Variants in PRMT3 observed in about 807,000 individuals in gnomAD.
PRMT3 encodes protein arginine methyltransferase 3.
Under a neutral mutation model 71.9 loss-of-function variants are expected in PRMT3, and 62 were observed. The observed-to-expected ratio is 0.86, with a 90% confidence interval of 0.70 to 1.07. The LOEUF (loss-of-function observed/expected upper bound fraction) is 1.07. Among genes scored for constraint, PRMT3 ranks in the 50% least tolerant of loss-of-function variants. The probability of loss-of-function intolerance (pLI) is 0.00; values close to 1 mark genes in which losing one functional copy is unlikely to be tolerated. For synonymous variants in PRMT3, 213 were observed against 220.4 expected (o/e 0.97, Z 0.30); for missense variants, 663 against 643.0 (o/e 1.03, Z -0.34).
intron 10 of PRMT3, among the ~76,000 whole-genome samples, chr11:20,427,170 T>C (rs1349637230): frequency 2.0e-5 from 3 of 152,182 alleles, no homozygotes; most frequent in Admixed American, 6.5e-5. Context: ...GATACCTAAG[T>C]GTTTGCCTGA....
At chr11:20,389,156 C>T (rs901979533) in intron 2 of PRMT3, among the ~76,000 whole-genome samples, 1 of 152,188 alleles carries the variant, frequency 6.6e-6, no homozygotes, top group Non-Finnish European at 1.5e-5. Context: ...TACAGCTTCT[C>T]TGCTGTGTAT....
intron 9 of PRMT3, among the ~76,000 whole-genome samples, chr11:20,409,120 T>C (rs1404193490): frequency 6.6e-6 from 1 of 152,140 alleles, no homozygotes; most frequent in Non-Finnish European, 1.5e-5. Context: ...TTAAATTTGA[T>C]TAATGTTGGT....
intron 8 of PRMT3, among the ~76,000 whole-genome samples, chr11:20,404,815 T>G (rs1849036306): frequency 6.6e-6 from 1 of 152,206 alleles, no homozygotes; most frequent in African/African-American, 2.4e-5. Context: ...TAAAAATTCC[T>G]TCTGGTTCTA....
chr11:20,405,324 T>C (rs1002856439), intron 8 of PRMT3: 2 of 152,058 alleles, frequency 1.3e-5, no homozygotes, highest in Non-Finnish European at 2.9e-5. Context: ...TCATTCAGTT[T>C]TTTAAGAAAA....
chr11:20,418,523 T>G (rs939314707), intron 9 of PRMT3, among the ~76,000 whole-genome samples: 1 of 152,224 alleles, frequency 6.6e-6, no homozygotes, highest in Non-Finnish European at 1.5e-5. Flanking sequence ...ACAAATAGGT[T>G]TATAACTTGT....
chr11:20,419,117 A>C (rs1849371534), intron 9 of PRMT3, among the ~76,000 whole-genome samples: 1 of 152,218 alleles, frequency 6.6e-6, no homozygotes, highest in Non-Finnish European at 1.5e-5. Flanking sequence ...TATTTTCCAA[A>C]GTGATTATAC....
intron 10 of PRMT3, among the ~76,000 whole-genome samples, chr11:20,440,489 C>CAAAAAAAAAAAAAAAAAAAAAAA (rs55801324): frequency 8.6e-6 from 1 of 115,960 alleles, no homozygotes. Flanking sequence ...ACTAAAAATA[C>CAAAAAAAAAAAAAAAAAAAAAAA]AAAAAAAAAA....
Position 20,433,604 on chromosome 11 carries a change from A to G in PRMT3, c.993+6739A>G, listed in dbSNP as rs190753718. 3.9e-5 allele frequency among the ~76,000 whole-genome samples: 6 copies of G among 151,986 alleles called. No homozygotes were observed. In the East Asian group the frequency reaches 1.2e-3, roughly 30 times the overall value. On this transcript the variant is annotated intron_variant, in intron 10 of 15. Transcript: ENST00000331079. The stretch of plus-strand genomic sequence containing the variant: ...CCAGTAATGGAATTGTTGGGTCACA[A>G]GGTAGTTCTGTTTTGTTTTGTTTTT...
chr11:20,402,883 T>C (rs760256995), intron 7 of PRMT3, 36 bp from the exon 8 acceptor site: 9 of 1,518,422 alleles, frequency 5.9e-6, no homozygotes, highest in Middle Eastern at 1.7e-4. Context: ...GTTTAGACTG[T>C]CCTATAAACA....
At chr11:20,472,305 T>G (rs1850665605) in intron 13 of PRMT3, among the ~76,000 whole-genome samples, 1 of 152,168 alleles carries the variant, frequency 6.6e-6, no homozygotes, top group African/African-American at 2.4e-5. Context: ...CTTCCACCTG[T>G]TGCCCATTCA....
chr11:20,445,846 TG>T (rs1850015542), intron 10 of PRMT3, among the ~76,000 whole-genome samples: 1 of 152,170 alleles, frequency 6.6e-6, no homozygotes, highest in South Asian at 2.1e-4. Flanking sequence ...CTTTTTAAAA[TG>T]TGTTTTTGCT....
At chr11:20,403,117 G>C (rs1590037392) in intron 8 of PRMT3, 133 bp downstream of exon 8, 3 of 679,034 alleles carry the variant, frequency 4.4e-6, no homozygotes, top group Middle Eastern at 4.3e-4. Flanking sequence ...CATTTATGAT[G>C]CTGCTCTGTG....
chr11:20,469,781 A>G (rs1850599321), intron 13 of PRMT3, among the ~76,000 whole-genome samples: 1 of 152,056 alleles, frequency 6.6e-6, no homozygotes, highest in Non-Finnish European at 1.5e-5. Context: ...TCATCTCTTA[A>G]TAGTTTTTAT....
chr11:20,419,041 T>C (rs1209386859), intron 9 of PRMT3, among the ~76,000 whole-genome samples: 1 of 152,182 alleles, frequency 6.6e-6, no homozygotes, highest in Non-Finnish European at 1.5e-5. Flanking sequence ...GGGGGGTGTA[T>C]ACTTAGAAGT....
intron 15 of PRMT3, among the ~76,000 whole-genome samples, chr11:20,495,908 G>T (rs1476282628): frequency 6.6e-6 from 1 of 152,168 alleles, no homozygotes; most frequent in Non-Finnish European, 1.5e-5. Context: ...TCAATTGGGG[G>T]AAGAAAATAC....
At chr11:20,431,902 A>G (rs770550560) in intron 10 of PRMT3, among the ~76,000 whole-genome samples, 2 of 152,232 alleles carry the variant, frequency 1.3e-5, no homozygotes, top group South Asian at 2.1e-4. Context: ...ACTGTTTTCT[A>G]GTACTGTTAA....
intron 13 of PRMT3, among the ~76,000 whole-genome samples, chr11:20,470,398 T>C (rs183955054): frequency 5.1e-4 from 77 of 152,190 alleles, no homozygotes; most frequent in Non-Finnish European, 7.1e-4. Context: ...CTCCTCCCTC[T>C]AACAGGCCCC....
At chr11:20,421,022 TTTATTA>T (rs945844091) in intron 9 of PRMT3, among the ~76,000 whole-genome samples, 3 of 151,514 alleles carry the variant, frequency 2.0e-5, no homozygotes, top group Admixed American at 2.0e-4. Flanking sequence ...TTAATCAGAG[TTTATTA>T]TTATTATTTT....
At chr11:20,403,128 G>A (rs1428679723) in intron 8 of PRMT3, 144 bp downstream of exon 8, 2 of 613,148 alleles carry the variant, frequency 3.3e-6, no homozygotes, top group Admixed American at 3.2e-5. Flanking sequence ...CTGCTCTGTG[G>A]TGCAGAGTAC....
Sources: allele counts gnomAD v4.1 joint callset (sites outside exome capture counted in the v4.1 genomes callset), GRCh38; gene constraint gnomAD v4.1.1; transcripts MANE v1.5; gene names NCBI Gene and HGNC (gene_info 2026-07-23, HGNC 2026-07-21).